PBX1: variants seen among roughly 807,000 people sequenced by gnomAD.
PBX1 encodes pre-B-cell leukemia transcription factor 1.
PBX1 carries 6 observed loss-of-function variants against 53.4 expected under a neutral mutation model. That is an observed-to-expected ratio of 0.11 (90% CI 0.06 to 0.22). The LOEUF is 0.22. Among genes scored for constraint, PBX1 ranks in the 10% least tolerant of loss-of-function variants. PBX1 has a pLI of 1.00. For missense variants in PBX1, 251 were observed against 551.4 expected (o/e 0.46, Z 5.46); for synonymous variants, 204 against 212.3 (o/e 0.96, Z 0.34).
intron 2 of PBX1, among the ~76,000 whole-genome samples, chr1:164,864,368 G>C (rs1278364890): frequency 6.6e-6 from 1 of 152,182 alleles, no homozygotes; most frequent in Non-Finnish European, 1.5e-5. Flanking sequence ...AAACTTGCCT[G>C]TGGGGTGAAT....
chr1:164,713,190 AAACCTT>A (rs1474171529), intron 2 of PBX1, among the ~76,000 whole-genome samples: 5 of 152,180 alleles, frequency 3.3e-5, no homozygotes, highest in Non-Finnish European at 5.9e-5. Context: ...CCTCTTGGTA[AAACCTT>A]CAAGGAAAGG....
chr1:164,690,430 G>A (rs747773985), intron 2 of PBX1, among the ~76,000 whole-genome samples: 11 of 152,208 alleles, frequency 7.2e-5, no homozygotes, highest in Admixed American at 1.3e-4. Flanking sequence ...GTGAAGCAAC[G>A]GCTGCATGTG....
At chr1:164,740,054 G>T (rs1198068297) in intron 2 of PBX1, among the ~76,000 whole-genome samples, 2 of 152,168 alleles carry the variant, frequency 1.3e-5, no homozygotes, top group Non-Finnish European at 2.9e-5. Context: ...ACACCTTCAA[G>T]ATTTTATGTC....
chr1:164,868,987 C>T lies in PBX1; in HGVS notation n.258-30201C>T, dbSNP rs148213168. ...TGCTGACAGGAGAGGAGGTTTCTCC[C>T]GGCCTTTGGCAGATGGGCCTCTGAC... On this transcript the variant is annotated intron_variant and non_coding_transcript_variant, in intron 2 of 2. Coordinates refer to the PBX1 transcript ENST00000558796. Among the ~76,000 whole-genome samples, 766 of 152,262 alleles carry T rather than the reference C, an allele frequency of 5.0e-3. 6 individuals are homozygous for T. Among genetic ancestry groups the T allele is most frequent in the African/African-American group, 0.017 (707 of 41,554 alleles).
chr1:164,797,188 T>C (rs2102313132), intron 3 of PBX1, among the ~76,000 whole-genome samples: 1 of 152,340 alleles, frequency 6.6e-6, no homozygotes, highest in Middle Eastern at 3.4e-3. Context: ...ACATCAGATA[T>C]TGTGAATATT....
At chr1:164,699,834 T>C (rs987909933) in intron 2 of PBX1, among the ~76,000 whole-genome samples, 2 of 152,190 alleles carry the variant, frequency 1.3e-5, no homozygotes, top group Non-Finnish European at 2.9e-5. Flanking sequence ...TGTGATGCTG[T>C]CGTCCCTGGC....
chr1:164,623,379 C>T (rs1473350114), intron 2 of PBX1, among the ~76,000 whole-genome samples: 1 of 152,160 alleles, frequency 6.6e-6, no homozygotes, highest in Non-Finnish European at 1.5e-5. Flanking sequence ...TGGGCACACC[C>T]GTGTGCACCA....
intron 2 of PBX1, among the ~76,000 whole-genome samples, chr1:164,689,968 A>G (rs1662364768): frequency 6.6e-6 from 1 of 152,138 alleles, no homozygotes; most frequent in Non-Finnish European, 1.5e-5. Flanking sequence ...TTTATGGCTT[A>G]TGGCAAACTG....
chr1:164,641,093 T>G (rs1261398280), intron 2 of PBX1: 4 of 152,862 alleles, frequency 2.6e-5, no homozygotes, highest in Non-Finnish European at 5.9e-5. Flanking sequence ...GCAGAATGCT[T>G]AAGGCAGTGG....
intron 8 of PBX1, among the ~76,000 whole-genome samples, chr1:164,842,804 T>C (rs970747940): frequency 6.6e-6 from 1 of 152,128 alleles, no homozygotes; most frequent in African/African-American, 2.4e-5. Context: ...CATTAGCATT[T>C]CCAAGAGTGT....
In PBX1 at chr1:164,559,603, C is replaced by A; in HGVS notation, c.-220C>A. ...CCTTATCCCCACCCTCACCCCGCAA[C>A]CCCTTCACGCCCCCTCCCCCTCCCC... is the stretch of plus-strand genomic sequence containing the variant. On this transcript the variant is annotated 5_prime_UTR_variant, in exon 1 of 9. Coordinates refer to ENST00000420696, the MANE Select transcript of PBX1 (RefSeq NM_002585.4). 1 of 294,034 alleles carries A rather than the reference C, an allele frequency of 3.4e-6. No homozygotes were observed. 18.2% of individuals were successfully genotyped at this position (294,034 alleles called of 1,614,324 possible). A position where few individuals can be genotyped will look rare whatever the true frequency, so the allele number is the denominator to read the frequency against.
intron 2 of PBX1, among the ~76,000 whole-genome samples, chr1:164,765,246 A>T (rs1475652922): frequency 1.3e-5 from 2 of 152,226 alleles, no homozygotes; most frequent in Non-Finnish European, 2.9e-5. Flanking sequence ...AGCAAGAGTC[A>T]GTGTTATCTT....
intron 2 of PBX1, chr1:164,639,637 A>G (rs1018053699): frequency 2.6e-5 from 4 of 152,238 alleles, no homozygotes; most frequent in African/African-American, 9.7e-5. Context: ...CTAGGCAAGG[A>G]TGACATGCGA....
At chr1:164,772,848 G>A (rs1008491624) in intron 2 of PBX1, 1 of 152,256 alleles carries the variant, frequency 6.6e-6, no homozygotes, top group Non-Finnish European at 1.5e-5. Context: ...ATGATAAGTG[G>A]TTAGGCCTGT....
chr1:164,688,027 A>G (rs1348088231), intron 2 of PBX1, among the ~76,000 whole-genome samples: 2 of 152,168 alleles, frequency 1.3e-5, no homozygotes, highest in Non-Finnish European at 2.9e-5. Flanking sequence ...CCTAGCGACA[A>G]CCATGGTGCT....
At chr1:164,619,270 C>A (rs997105097) in intron 2 of PBX1, among the ~76,000 whole-genome samples, 1 of 152,110 alleles carries the variant, frequency 6.6e-6, no homozygotes, top group Admixed American at 6.6e-5. Context: ...TTCCTCCCTG[C>A]GCCTAAACTC....
intron 2 of PBX1, among the ~76,000 whole-genome samples, chr1:164,754,422 C>T (rs1477212343): frequency 6.6e-6 from 1 of 152,204 alleles, no homozygotes; most frequent in Non-Finnish European, 1.5e-5. Flanking sequence ...TACCATACAT[C>T]TTCCTAAATG....
chr1:164,856,860 T>C (rs1286771114), intron 2 of PBX1, among the ~76,000 whole-genome samples: 2 of 152,172 alleles, frequency 1.3e-5, no homozygotes, highest in East Asian at 1.9e-4. Context: ...TGGTCCCCTA[T>C]CTGCTGCTTT....
intron 2 of PBX1, chr1:164,700,647 T>C: frequency 2.0e-6 from 2 of 985,316 alleles, no homozygotes; most frequent in Non-Finnish European, 1.2e-6. Flanking sequence ...ATAAAGGTGA[T>C]CGTGTCAGGT....
Sources: gnomAD v4.1 joint callset for allele counts (sites outside exome capture counted in the v4.1 genomes callset) on GRCh38, gnomAD v4.1.1 for gene constraint, MANE v1.5 for transcripts, NCBI Gene and HGNC (gene_info 2026-07-23, HGNC 2026-07-21) for gene names.